OSTN: variants seen among roughly 807,000 people sequenced by gnomAD.
OSTN encodes osteocrin.
A neutral mutation model predicts 12.0 loss-of-function variants in OSTN; 9 were observed. The ratio of observed to expected loss-of-function variants is 0.75; its 90% CI spans 0.45 to 1.30. The LOEUF (loss-of-function observed/expected upper bound fraction) is 1.30, where lower values mean the gene tolerates loss of function less well. Among genes scored for constraint, OSTN ranks in the 50% most tolerant of loss-of-function variants. The probability of loss-of-function intolerance (pLI) is 0.00; values close to 1 mark genes in which losing one functional copy is unlikely to be tolerated. For synonymous variants in OSTN, 59 were observed against 56.9 expected, an observed-to-expected ratio of 1.04 and a Z score of -0.16; for missense variants, 148 against 152.3, an observed-to-expected ratio of 0.97 and a Z score of 0.15.
intron 4 of OSTN, among the ~76,000 whole-genome samples, chr3:191,253,152 C>T (rs1017644051): frequency 2.6e-5 from 4 of 152,156 alleles, no homozygotes; most frequent in Non-Finnish European, 5.9e-5. Flanking sequence ...ATTTCTAAGA[C>T]GAACAGAAAT....
intron 3 of OSTN, among the ~76,000 whole-genome samples, chr3:191,240,350 T>C: frequency 6.6e-6 from 1 of 152,218 alleles, no homozygotes; most frequent in Non-Finnish European, 1.5e-5. Flanking sequence ...AATTTTAAAT[T>C]GCAGTAACCA....
intron 3 of OSTN, among the ~76,000 whole-genome samples, chr3:191,245,611 C>G (rs890701018): frequency 1.3e-5 from 2 of 152,158 alleles, no homozygotes; most frequent in African/African-American, 4.8e-5. Context: ...TTGCTTTCCA[C>G]TATACCGCAG....
At chr3:191,245,645 G>A (rs1715411227) in intron 3 of OSTN, among the ~76,000 whole-genome samples, 1 of 152,008 alleles carries the variant, frequency 6.6e-6, no homozygotes, top group South Asian at 2.1e-4. Flanking sequence ...GATTGAGCAG[G>A]GAAAGATCAA....
At chr3:191,222,395 G>C (rs1714789211) in intron 3 of OSTN, among the ~76,000 whole-genome samples, 1 of 152,064 alleles carries the variant, frequency 6.6e-6, no homozygotes, top group African/African-American at 2.4e-5. Flanking sequence ...GGAGCTTTAA[G>C]AATTTACTGC....
chr3:191,245,785 G>C (rs948145797), intron 3 of OSTN, among the ~76,000 whole-genome samples: 1 of 152,084 alleles, frequency 6.6e-6, no homozygotes, highest in African/African-American at 2.4e-5. Flanking sequence ...AGTAAAAGAG[G>C]CCGGGCACAG....
At chr3:191,258,220 A>G (rs111606187) in intron 4 of OSTN, among the ~76,000 whole-genome samples, 12 of 152,364 alleles carry the variant, frequency 7.9e-5, no homozygotes, top group African/African-American at 2.4e-4. Flanking sequence ...TAACCGTAAG[A>G]TTGCATAAGG....
chr3:191,238,221 A>G lies in OSTN; in HGVS notation c.318-11816A>G, dbSNP rs566129009. ...GACTGAGGCATTTCTCAATCAACAG[A>G]GGTATATTTGGCCAAAGTTGAAGAT... is the stretch of plus-strand genomic sequence containing the variant. On this transcript the variant is annotated intron_variant, in intron 3 of 4. Transcript: ENST00000682035. Among the ~76,000 whole-genome samples the G allele has an allele frequency of 5.9e-5, 9 of 152,278 alleles. No homozygotes were observed. In the South Asian group the frequency reaches 1.9e-3, roughly 32 times the overall value.
At chr3:191,250,196 T>A in intron 4 of OSTN, 63 bp downstream of exon 4, 3 of 1,233,744 alleles carry the variant, frequency 2.4e-6, no homozygotes, top group Non-Finnish European at 3.6e-6. Context: ...CACAATGGAC[T>A]AATCAATCCA....
At chr3:191,233,980 G>A (rs533765233) in intron 3 of OSTN, among the ~76,000 whole-genome samples, 8 of 144,566 alleles carry the variant, frequency 5.5e-5, no homozygotes, top group South Asian at 2.3e-4. Flanking sequence ...TCACAAGAGC[G>A]AAACTCCATC....
intron 3 of OSTN, among the ~76,000 whole-genome samples, chr3:191,230,107 A>G (rs1715014226): frequency 6.6e-6 from 1 of 152,156 alleles, no homozygotes; most frequent in African/African-American, 2.4e-5. Context: ...TAAATAACTT[A>G]GGATATTTTT....
chr3:191,244,853 C>T (rs1031083800), intron 3 of OSTN, among the ~76,000 whole-genome samples: 5 of 151,426 alleles, frequency 3.3e-5, no homozygotes, highest in Non-Finnish European at 5.9e-5. Flanking sequence ...TATCTATAAG[C>T]ATTTGCAACC....
At position 191,212,649 on chromosome 3, in the gene OSTN, C is replaced by A. The variant is rs760575660; in HGVS notation, c.102+15C>A. ...CAACAACAGAGGTAATGGAAACTAGCTTACAGAAATAAATATACATGTTTG... is the reference window on the plus strand; with the variant it reads ...CAACAACAGAGGTAATGGAAACTAGATTACAGAAATAAATATACATGTTTG... On this transcript the variant is annotated intron_variant, in intron 2 of 4. Coordinates refer to ENST00000682035, the MANE Select transcript of OSTN (RefSeq NM_198184.2). The A allele has an allele frequency of 2.2e-6, 3 of 1,369,190 alleles. No individual in the cohort carries two copies. Among genetic ancestry groups the A allele is most frequent in the Non-Finnish European group, 3.0e-6 (3 of 1,005,284 alleles). The allele number at this position is 1,369,190 out of a possible 1,614,324, so 84.8% of individuals were successfully genotyped here. A position where few individuals can be genotyped will look rare whatever the true frequency, so the allele number is the denominator to read the frequency against.
At chr3:191,244,490 T>C (rs1715387936) in intron 3 of OSTN, among the ~76,000 whole-genome samples, 1 of 151,096 alleles carries the variant, frequency 6.6e-6, no homozygotes. Flanking sequence ...GCTTTCTCTT[T>C]TGGTTTCAAG....
chr3:191,248,453 ATAAAG>A (rs1715487457), intron 3 of OSTN, among the ~76,000 whole-genome samples: 1 of 152,250 alleles, frequency 6.6e-6, no homozygotes, highest in Non-Finnish European at 1.5e-5. Flanking sequence ...TTAAATTAGT[ATAAAG>A]TAATTATTGG....
chr3:191,204,476 A>G (rs1714224237), intron 1 of OSTN, among the ~76,000 whole-genome samples: 1 of 152,176 alleles, frequency 6.6e-6, no homozygotes, highest in Non-Finnish European at 1.5e-5. Flanking sequence ...TTAAATCTCG[A>G]ATTTGAGTTT....
In OSTN at chr3:191,263,024, C is replaced by T. The variant is rs1715846935; in HGVS notation, c.*171C>T. On this transcript the variant is annotated 3_prime_UTR_variant, in exon 5 of 5. Transcript: ENST00000682035. ...TCACATTACAGCATTGTTACAGCTT[C>T]AATTAAATTGTGTAAATCATTTTGA... The T allele has an allele frequency of 1.8e-6, 1 of 568,542 alleles. No homozygotes were observed. Among genetic ancestry groups the T allele is most frequent in the South Asian group, 2.3e-5 (1 of 43,532 alleles). The allele number at this position is 568,542 out of a possible 1,614,324, so 35.2% of individuals were successfully genotyped here. A position where few individuals can be genotyped will look rare whatever the true frequency, so the allele number is the denominator to read the frequency against.
chr3:191,233,558 TACC>T (rs1715113716), intron 3 of OSTN, among the ~76,000 whole-genome samples: 1 of 152,118 alleles, frequency 6.6e-6, no homozygotes, highest in Non-Finnish European at 1.5e-5. Flanking sequence ...TGCCTCAGCC[TACC>T]AAGTAGCTGG....
chr3:191,223,556 A>G (rs1308412156), intron 3 of OSTN, among the ~76,000 whole-genome samples: 1 of 152,230 alleles, frequency 6.6e-6, no homozygotes, highest in Non-Finnish European at 1.5e-5. Flanking sequence ...ACGGCTATTA[A>G]CTGAAAATAA....
At chr3:191,232,443 A>G (rs1334727278) in intron 3 of OSTN, among the ~76,000 whole-genome samples, 1 of 149,496 alleles carries the variant, frequency 6.7e-6, no homozygotes, top group Non-Finnish European at 1.5e-5. Flanking sequence ...TGTGATTTAT[A>G]TGAGTAACAA....
Sources: allele counts gnomAD v4.1 joint callset (sites outside exome capture counted in the v4.1 genomes callset), GRCh38; gene constraint gnomAD v4.1.1; transcripts MANE v1.5; gene names NCBI Gene and HGNC (gene_info 2026-07-23, HGNC 2026-07-21).